The following GK variants were observed in gnomAD, a reference collection of about 807,000 sequenced individuals.
GK encodes ATP:glycerol 3-phosphotransferase.
A neutral mutation model predicts 56.4 loss-of-function variants in GK; 9 were observed. The ratio of observed to expected loss-of-function variants is 0.16; its 90% CI spans 0.10 to 0.28. The LOEUF (loss-of-function observed/expected upper bound fraction) is 0.28. Ranked by LOEUF, GK falls within the 10% of genes least tolerant of loss-of-function variation. The probability of loss-of-function intolerance (pLI) is 1.00; values close to 1 mark genes in which losing one functional copy is unlikely to be tolerated. For synonymous variants in GK, 104 were observed against 144.1 expected (o/e 0.72, Z 1.99); for missense variants, 161 against 431.4 (o/e 0.37, Z 5.55).
intron 4 of GK, among the ~76,000 whole-genome samples, chrX:30,679,220 C>CTTTTTTT (rs767736013): frequency 2.1e-5 from 2 of 95,708 alleles, no homozygotes; most frequent in Non-Finnish European, 2.1e-5. Flanking sequence ...AAATTCTGAG[C>CTTTTTTT]TTTTTTTTTT....
At chrX:30,723,394 C>CA (rs375486944) in intron 18 of GK, among the ~76,000 whole-genome samples, 941 of 94,066 alleles carry the variant, frequency 0.01, 7 homozygotes, top group African/African-American at 0.033. Context: ...GACTCAGTCT[C>CA]AAAAAAAAAA....
chrX:30,666,081 G>A (rs1341329893), intron 2 of GK, among the ~76,000 whole-genome samples: 1 of 111,747 alleles, frequency 8.9e-6, no homozygotes, highest in African/African-American at 3.2e-5. Flanking sequence ...TAACCACTTT[G>A]AAAAACTGTG....
intron 4 of GK, among the ~76,000 whole-genome samples, chrX:30,683,024 G>T (rs1301162785): frequency 9.0e-6 from 1 of 110,593 alleles, no homozygotes; most frequent in Non-Finnish European, 1.9e-5. Context: ...TCATATTAGG[G>T]GTTAAGATTT....
At chrX:30,680,406 G>C (rs1474962049) in intron 4 of GK, among the ~76,000 whole-genome samples, 1 of 112,019 alleles carries the variant, frequency 8.9e-6, no homozygotes, top group African/African-American at 3.2e-5. Flanking sequence ...CAACCTTAAA[G>C]CTTGTGTTCT....
Position 30,704,128 on chromosome X carries a change from T to TTATA in GK, c.851+3241_851+3244dup, listed in dbSNP as rs752736589. Among the ~76,000 whole-genome samples the TTATA allele has an allele frequency of 9.3e-3, 694 of 74,860 alleles. 29 individuals are homozygous for TTATA. Among genetic ancestry groups the TTATA allele is most frequent in the South Asian group, 0.018 (25 of 1,408 alleles). The allele number at this position is 74,860 out of a possible 115,157, so 65.0% of individuals were successfully genotyped here. ...CAGAAAAACAATGCAGTTATTCATTTTATATATATATATATATATATGAGA... is the reference window on the plus strand; with the variant it reads ...CAGAAAAACAATGCAGTTATTCATTTTATATATATATATATATATATATATGAGA... On this transcript the variant is annotated intron_variant, in intron 11 of 20. Transcript: ENST00000427190.
intron 11 of GK, among the ~76,000 whole-genome samples, chrX:30,706,115 T>C (rs749729772): frequency 8.9e-6 from 1 of 112,303 alleles, no homozygotes; most frequent in African/African-American, 3.2e-5. Context: ...CTGTACCTAG[T>C]GTTATTTGAC....
chrX:30,707,115 A>G (rs1437270403), intron 11 of GK, among the ~76,000 whole-genome samples: 1 of 111,426 alleles, frequency 9.0e-6, no homozygotes, highest in East Asian at 2.8e-4. Context: ...TGGATCACGA[A>G]GTCAGGAGAT....
chrX:30,711,871 C>T (rs908214018), intron 13 of GK, among the ~76,000 whole-genome samples: 1 of 112,005 alleles, frequency 8.9e-6, no homozygotes, highest in Middle Eastern at 4.7e-3. Flanking sequence ...CAACTTCCTC[C>T]CTCTCCCTGA....
At chrX:30,678,412 GA>G (rs1485749737) in intron 4 of GK, among the ~76,000 whole-genome samples, 5 of 111,438 alleles carry the variant, frequency 4.5e-5, no homozygotes, top group Non-Finnish European at 7.5e-5. Context: ...ATCACTAAAA[GA>G]CTTCATTGTG....
At chrX:30,708,400 GT>G (rs774814461) in intron 13 of GK, among the ~76,000 whole-genome samples, 9,005 of 99,708 alleles carry the variant, frequency 0.09, 381 homozygotes, top group African/African-American at 0.13. Context: ...ACAATGTAAG[GT>G]TTTTTTTTTT....
intron 13 of GK, among the ~76,000 whole-genome samples, chrX:30,716,002 C>T (rs1351947090): frequency 9.0e-6 from 1 of 111,357 alleles, no homozygotes; most frequent in Non-Finnish European, 1.9e-5. Flanking sequence ...CAACTAATTA[C>T]CTCTAATCAA....
chrX:30,694,866 C>T (rs1935165634), intron 6 of GK, among the ~76,000 whole-genome samples: 1 of 111,817 alleles, frequency 8.9e-6, no homozygotes, highest in Non-Finnish European at 1.9e-5. Flanking sequence ...ATGTCTTAGA[C>T]GAAATAACTA....
intron 17 of GK, 24 bp from the exon 18 acceptor site, chrX:30,720,828 A>G (rs565239395): frequency 8.3e-7 from 1 of 1,209,292 alleles, no homozygotes; most frequent in African/African-American, 1.7e-5. Flanking sequence ...CCACAAAGAT[A>G]TTGATGGAAC....
At chrX:30,665,266 T>TAGGGA (rs1932994906) in intron 1 of GK, among the ~76,000 whole-genome samples, 6 of 111,991 alleles carry the variant, frequency 5.4e-5, no homozygotes. Flanking sequence ...TTTTAAGGAG[T>TAGGGA]AGGGAATTGC....
intron 1 of GK, among the ~76,000 whole-genome samples, chrX:30,665,054 A>G (rs1932981228): frequency 9.2e-6 from 1 of 108,320 alleles, no homozygotes; most frequent in Non-Finnish European, 1.9e-5. Context: ...CTTCCCTTCA[A>G]AGGAATCTAC....
intron 3 of GK, among the ~76,000 whole-genome samples, chrX:30,676,743 T>C (rs1189878195): frequency 1.8e-5 from 2 of 111,919 alleles, no homozygotes; most frequent in Non-Finnish European, 3.8e-5. Flanking sequence ...TTACACTAAA[T>C]ATAGTACTTG....
At chrX:30,701,315 A>C (rs765306006) in intron 11 of GK, among the ~76,000 whole-genome samples, 12 of 112,153 alleles carry the variant, frequency 1.1e-4, no homozygotes, top group African/African-American at 3.9e-4. Flanking sequence ...AAGCTGAGGC[A>C]GGAGAATCGC....
intron 13 of GK, 114 bp downstream of exon 13, chrX:30,708,248 C>T: frequency 6.4e-6 from 3 of 471,287 alleles, no homozygotes; most frequent in Non-Finnish European, 1.1e-5. Flanking sequence ...TCAAAAAGTT[C>T]TGCTTTCTTG....
chrX:30,724,779 T>G (rs1601957098), intron 19 of GK: 1 of 153,381 alleles, frequency 6.5e-6, no homozygotes, highest in East Asian at 2.0e-4. Context: ...GTAAACCATT[T>G]AGATTTAAAC....
Sources: allele counts gnomAD v4.1 joint callset (sites outside exome capture counted in the v4.1 genomes callset), GRCh38; gene constraint gnomAD v4.1.1; transcripts MANE v1.5; gene names NCBI Gene and HGNC (gene_info 2026-07-23, HGNC 2026-07-21).